Variants in CIDEA observed in about 807,000 individuals in gnomAD.
CIDEA encodes cell death inducing DFFA like effector a.
A neutral mutation model predicts 18.2 loss-of-function variants in CIDEA; 10 were observed. The ratio of observed to expected loss-of-function variants is 0.55; its 90% confidence interval spans 0.34 to 0.93. The LOEUF (loss-of-function observed/expected upper bound fraction) is 0.93. Among genes scored for constraint, CIDEA ranks in the 40% least tolerant of loss-of-function variants. CIDEA has a pLI of 0.02. For missense variants in CIDEA, 309 were observed against 293.1 expected (o/e 1.05, Z -0.40); for synonymous variants, 128 against 124.8 (o/e 1.03, Z -0.17).
intron 3 of CIDEA, among the ~76,000 whole-genome samples, chr18:12,270,780 A>C (rs1172893365): frequency 6.6e-6 from 1 of 151,402 alleles, no homozygotes; most frequent in Non-Finnish European, 1.5e-5. Context: ...AAATCATTTA[A>C]AGCAAATATT....
chr18:12,267,210 C>T lies in CIDEA; in HGVS notation c.330+2757C>T, dbSNP rs114649416. On this transcript the variant is annotated intron_variant, in intron 3 of 4. Transcript: ENST00000320477. ...GCATGAACCTGAGATTCCAACAACA[C>T]CACGTCAGCAGGTGTGTGTTAGAGC... is the stretch of plus-strand genomic sequence containing the variant. Among the ~76,000 whole-genome samples the T allele has an allele frequency of 5.7e-3, 866 of 152,358 alleles. 8 individuals are homozygous for T. The highest frequency in any genetic ancestry group is 0.02 in the African/African-American group (828 of 41,584).
At chr18:12,269,378 T>C (rs1038683418) in intron 3 of CIDEA, among the ~76,000 whole-genome samples, 3 of 152,144 alleles carry the variant, frequency 2.0e-5, no homozygotes, top group Non-Finnish European at 2.9e-5. Flanking sequence ...AGGATATTCT[T>C]TTTTTTATAT....
intron 4 of CIDEA, among the ~76,000 whole-genome samples, chr18:12,275,824 G>A (rs1278125857): frequency 1.4e-5 from 2 of 141,376 alleles, no homozygotes; most frequent in Admixed American, 7.4e-5. Flanking sequence ...ACTCCCAGGA[G>A]AGCTTCCTTT....
intron 3 of CIDEA, among the ~76,000 whole-genome samples, chr18:12,268,901 C>G (rs551556123): frequency 2.6e-5 from 4 of 151,730 alleles, no homozygotes; most frequent in African/African-American, 9.7e-5. Context: ...TCTCGGCTCA[C>G]TGCAACCTCC....
chr18:12,276,865 G>A (rs1047960999), intron 4 of CIDEA, among the ~76,000 whole-genome samples: 3 of 150,906 alleles, frequency 2.0e-5, no homozygotes, highest in Non-Finnish European at 4.4e-5. Flanking sequence ...TGCTTCTTGC[G>A]GTGGTCTTGG....
At chr18:12,274,493 A>T (rs1216811085) in intron 4 of CIDEA, among the ~76,000 whole-genome samples, 1 of 152,228 alleles carries the variant, frequency 6.6e-6, no homozygotes, top group Non-Finnish European at 1.5e-5. Context: ...AAAGACCACT[A>T]ACTATTCATT....
At chr18:12,263,024 C>A in intron 2 of CIDEA, 55 bp downstream of exon 2, 1 of 1,584,568 alleles carries the variant, frequency 6.3e-7, no homozygotes, top group South Asian at 1.1e-5. Context: ...TGCACTCACA[C>A]AGGGCCATGG....
intron 3 of CIDEA, among the ~76,000 whole-genome samples, chr18:12,271,024 G>A (rs1262448773): frequency 2.0e-5 from 3 of 146,396 alleles, no homozygotes; most frequent in African/African-American, 7.6e-5. Flanking sequence ...TCAGCCTCCC[G>A]AGTAGCTGGG....
intron 1 of CIDEA, among the ~76,000 whole-genome samples, chr18:12,257,911 C>G (rs1353547716): frequency 6.6e-6 from 1 of 152,118 alleles, no homozygotes; most frequent in Non-Finnish European, 1.5e-5. Context: ...TGGGTGGAGA[C>G]GGTGGCTTGT....
chr18:12,266,698 T>C (rs1912357858), intron 3 of CIDEA, among the ~76,000 whole-genome samples: 2 of 151,794 alleles, frequency 1.3e-5, no homozygotes, highest in South Asian at 4.1e-4. Flanking sequence ...AAATCTAATC[T>C]CTCTCTCTTT....
At chr18:12,269,248 C>G (rs1321853478) in intron 3 of CIDEA, among the ~76,000 whole-genome samples, 2 of 152,168 alleles carry the variant, frequency 1.3e-5, no homozygotes, top group Non-Finnish European at 2.9e-5. Context: ...CTTATATCTG[C>G]TTCTTTATAT....
rs1462538204 is a variant in CIDEA at position 12,262,955 on chromosome 18, G to A, written c.169G>A (p.Glu57Lys). ...RRGVMASSLQELISKTLDALV... is the reference protein window; with the variant it reads ...RRGVMASSLQKLISKTLDALV... ...TGGGGTGATGGCAAGCAGCCTGCAG[G>A]AGCTCATCAGCAAGGTGCCCCACAT... Residue 57 changes from glutamate to lysine, a missense_variant, in exon 2 of 5, where the codon GAG (glutamate) becomes AAG (lysine). Glu to Lys is a moderately conservative substitution (Grantham distance 56). Coordinates refer to ENST00000320477, the MANE Select transcript of CIDEA (RefSeq NM_001279.4). 1 of 1,614,112 alleles carries A rather than the reference G, an allele frequency of 6.2e-7. No homozygotes were observed.
intron 3 of CIDEA, among the ~76,000 whole-genome samples, chr18:12,272,149 T>TGTGTGGG (rs1555662634): frequency 1.3e-4 from 1 of 7,480 alleles, no homozygotes; most frequent in African/African-American, 4.9e-4. Flanking sequence ...AGTGTGTGTG[T>TGTGTGGG]GGGGGGGGGG....
intron 4 of CIDEA, among the ~76,000 whole-genome samples, chr18:12,275,639 A>G (rs992018023): frequency 9.2e-5 from 14 of 152,258 alleles, no homozygotes; most frequent in African/African-American, 3.4e-4. Flanking sequence ...TGGCCTTGAC[A>G]ACTGCTCTGA....
chr18:12,262,742 A>G, intron 1 of CIDEA, 83 bp from the exon 2 acceptor site: 2 of 1,313,792 alleles, frequency 1.5e-6, no homozygotes, highest in African/African-American at 1.5e-5. Context: ...TGCAAATATT[A>G]AAAATGCATT....
intron 1 of CIDEA, among the ~76,000 whole-genome samples, chr18:12,258,738 G>T (rs1031285888): frequency 2.6e-5 from 4 of 152,232 alleles, no homozygotes; most frequent in Non-Finnish European, 5.9e-5. Flanking sequence ...CTTTCCCCAG[G>T]CCTAGGTTTC....
chr18:12,268,397 AT>A (rs1209248536), intron 3 of CIDEA, among the ~76,000 whole-genome samples: 4 of 104,732 alleles, frequency 3.8e-5, no homozygotes, highest in Non-Finnish European at 7.6e-5. Flanking sequence ...TTTTTTTTTA[AT>A]TTGTTTGCTT....
intron 1 of CIDEA, among the ~76,000 whole-genome samples, chr18:12,258,971 TGA>T (rs1240680797): frequency 1.3e-5 from 2 of 151,850 alleles, no homozygotes; most frequent in African/African-American, 4.8e-5. Context: ...TCACCAGGAG[TGA>T]GAGTGTGCCC....
chr18:12,258,819 C>T (rs1406780624), intron 1 of CIDEA, among the ~76,000 whole-genome samples: 1 of 152,224 alleles, frequency 6.6e-6, no homozygotes, highest in Non-Finnish European at 1.5e-5. Context: ...TGGCATCCAG[C>T]GGCACTTGGG....
Sources: gnomAD v4.1 joint callset for allele counts (sites outside exome capture counted in the v4.1 genomes callset) on GRCh38, gnomAD v4.1.1 for gene constraint, MANE v1.5 for transcripts, NCBI Gene and HGNC (gene_info 2026-07-23, HGNC 2026-07-21) for gene names.